CHN1: variants seen among roughly 807,000 people sequenced by gnomAD.
CHN1 encodes the protein N-chimaerin.
In CHN1, 37 loss-of-function variants were observed where a neutral mutation model predicts 59.5. The ratio of observed to expected loss-of-function variants is 0.62; its 90% CI spans 0.48 to 0.82. The LOEUF is 0.82. CHN1 is among the 40% of genes least tolerant of loss of function. The pLI is 0.00. For missense variants in CHN1, 469 were observed against 571.0 expected, an observed-to-expected ratio of 0.82 and a Z score of 1.82; for synonymous variants, 206 against 200.4, an observed-to-expected ratio of 1.03 and a Z score of -0.24.
At position 174,802,867 on chromosome 2, in the gene CHN1, G is replaced by A. The variant is rs557582393; in HGVS notation, c.1103-1055C>T. On this transcript the variant is annotated intron_variant, in intron 11 of 12. Transcript: ENST00000409900. Reference sequence around the variant, plus strand: ...AGCCTGGCCAACATGGTGAAACCCCGTCTCTACTAAAAATACAAAAATTAG... The same window carrying A: ...AGCCTGGCCAACATGGTGAAACCCCATCTCTACTAAAAATACAAAAATTAG... 2.0e-5 allele frequency among the ~76,000 whole-genome samples: 3 copies of A among 152,120 alleles called. No individual in the cohort carries two copies. The South Asian group carries it at 6.2e-4, about 32-fold the overall frequency.
chr2:174,880,401 A>G (rs1193124448), intron 5 of CHN1, among the ~76,000 whole-genome samples: 1 of 152,236 alleles, frequency 6.6e-6, no homozygotes, highest in African/African-American at 2.4e-5. Context: ...GCACCACAGC[A>G]CAGACTGTCA....
rs537588777 is a variant in CHN1 at position 174,926,167 on chromosome 2, T to G, written c.115-7602A>C. Among the ~76,000 whole-genome samples, 57 of 152,190 alleles carry G rather than the reference T, an allele frequency of 3.7e-4. 1 individual carries two copies. The highest frequency in any genetic ancestry group is 7.1e-4 in the Non-Finnish European group (48 of 68,016). ...TCAATGAAATTCATTAAATTAACAT[T>G]TACTGTGCAGTTTTATAAACAATGA... On this transcript the variant is annotated intron_variant, in intron 3 of 12. Coordinates refer to ENST00000409900, the MANE Select transcript of CHN1 (RefSeq NM_001822.7).
At chr2:174,986,110 C>T (rs1691331985) in intron 1 of CHN1, among the ~76,000 whole-genome samples, 1 of 151,996 alleles carries the variant, frequency 6.6e-6, no homozygotes, top group African/African-American at 2.4e-5. Context: ...TATAGCCAAA[C>T]CGTCACACTG....
chr2:174,972,365 C>T (rs1374989931), intron 1 of CHN1, among the ~76,000 whole-genome samples: 1 of 152,142 alleles, frequency 6.6e-6, no homozygotes, highest in Non-Finnish European at 1.5e-5. Flanking sequence ...TTACTGTCTG[C>T]ATCTCAAGAA....
At chr2:174,901,528 T>TA (rs1688389184) in intron 5 of CHN1, among the ~76,000 whole-genome samples, 1 of 152,248 alleles carries the variant, frequency 6.6e-6, no homozygotes, top group African/African-American at 2.4e-5. Flanking sequence ...CCTCAGTTTT[T>TA]AGCTTGGCAT....
At chr2:174,831,603 C>T (rs1685881357) in intron 7 of CHN1, among the ~76,000 whole-genome samples, 1 of 152,124 alleles carries the variant, frequency 6.6e-6, no homozygotes, top group Non-Finnish European at 1.5e-5. Flanking sequence ...AATTCAAAGA[C>T]ATTTTCCATT....
Position 174,862,733 on chromosome 2 carries a change from T to C in CHN1, c.549+15107A>G, listed in dbSNP as rs553942436. 2.0e-5 allele frequency among the ~76,000 whole-genome samples: 3 copies of C among 152,274 alleles called. No individual in the cohort carries two copies. The South Asian group carries it at 6.2e-4, about 32-fold the overall frequency. ...CCTGTAGCTTACATTAAATTTAGAG[T>C]TTTACACTTCCACATTTGAAAACCT... On this transcript the variant is annotated intron_variant, in intron 6 of 12. Transcript: ENST00000409900.
chr2:174,880,136 C>A (rs1687690545), intron 5 of CHN1, among the ~76,000 whole-genome samples: 1 of 152,194 alleles, frequency 6.6e-6, no homozygotes, highest in Admixed American at 6.5e-5. Context: ...AATTCCTGCT[C>A]CGCCTGTACT....
intron 6 of CHN1, among the ~76,000 whole-genome samples, chr2:174,859,003 C>CACACACACACACACACAT (rs1686989805): frequency 1.3e-5 from 2 of 151,822 alleles, no homozygotes; most frequent in African/African-American, 4.8e-5. Context: ...CACACACACA[C>CACACACACACACACACAT]ACACACACAC....
At chr2:174,976,936 G>A (rs1318217507) in intron 1 of CHN1, among the ~76,000 whole-genome samples, 2 of 152,114 alleles carry the variant, frequency 1.3e-5, no homozygotes, top group Admixed American at 1.3e-4. Flanking sequence ...ACTGTCAATG[G>A]TCCTATTAGC....
intron 5 of CHN1, among the ~76,000 whole-genome samples, chr2:174,899,238 G>A (rs1238700217): frequency 3.9e-5 from 6 of 152,294 alleles, no homozygotes; most frequent in African/African-American, 1.4e-4. Context: ...CGATACATAT[G>A]AATTAGAAAG....
intron 6 of CHN1, among the ~76,000 whole-genome samples, chr2:174,848,796 T>C (rs1686629858): frequency 6.6e-6 from 1 of 152,166 alleles, no homozygotes; most frequent in African/African-American, 2.4e-5. Context: ...AAAGGCAAAA[T>C]TTATTTACAT....
At chr2:174,893,256 A>G (rs985009784) in intron 5 of CHN1, among the ~76,000 whole-genome samples, 8 of 152,218 alleles carry the variant, frequency 5.3e-5, no homozygotes, top group Non-Finnish European at 1.0e-4. Flanking sequence ...AGAACCAATA[A>G]ATGAATTTAG....
At chr2:174,989,776 T>C (rs907628118) in intron 1 of CHN1, among the ~76,000 whole-genome samples, 4 of 150,904 alleles carry the variant, frequency 2.7e-5, no homozygotes, top group African/African-American at 9.8e-5. Flanking sequence ...GGAAACACAG[T>C]GAAACCCTGT....
intron 8 of CHN1, among the ~76,000 whole-genome samples, chr2:174,820,484 C>T (rs979164887): frequency 2.6e-5 from 4 of 152,136 alleles, no homozygotes; most frequent in Admixed American, 6.6e-5. Context: ...ATATTCTAGC[C>T]GGAGGAGCAC....
chr2:174,944,772 A>G, intron 3 of CHN1, 116 bp downstream of exon 3: 1 of 636,106 alleles, frequency 1.6e-6, no homozygotes, highest in Non-Finnish European at 2.7e-6. Context: ...TAATTTTATC[A>G]TATCGATTAG....
At chr2:174,884,383 A>G (rs1333380619) in intron 5 of CHN1, among the ~76,000 whole-genome samples, 1 of 151,922 alleles carries the variant, frequency 6.6e-6, no homozygotes, top group Non-Finnish European at 1.5e-5. Context: ...TACACAATGG[A>G]TGAAAACAGA....
intron 1 of CHN1, among the ~76,000 whole-genome samples, chr2:174,957,888 T>C (rs1047592563): frequency 1.2e-4 from 18 of 152,140 alleles, no homozygotes; most frequent in African/African-American, 4.1e-4. Context: ...CTGGTATCAG[T>C]TAAGGAACCA....
At chr2:174,972,370 CAAG>C (rs1167737911) in intron 1 of CHN1, among the ~76,000 whole-genome samples, 1 of 152,156 alleles carries the variant, frequency 6.6e-6, no homozygotes, top group Non-Finnish European at 1.5e-5. Context: ...GTCTGCATCT[CAAG>C]AAGGAGTCCT....
Sources: allele counts gnomAD v4.1 joint callset (sites outside exome capture counted in the v4.1 genomes callset), GRCh38; gene constraint gnomAD v4.1.1; transcripts MANE v1.5; gene names NCBI Gene and HGNC (gene_info 2026-07-23, HGNC 2026-07-21).